AUNIP: variants seen among roughly 807,000 people sequenced by gnomAD.
AUNIP encodes the protein aurora kinase A- and ninein-interacting protein.
Under a neutral mutation model 12.2 loss-of-function variants are expected in AUNIP, and 16 were observed. The observed-to-expected ratio is 1.31, with a 90% confidence interval of 0.88 to 1.99. The LOEUF (loss-of-function observed/expected upper bound fraction) is 1.99, where lower values mean the gene tolerates loss of function less well. Among genes scored for constraint, AUNIP ranks in the 30% most tolerant of loss-of-function variants. AUNIP has a pLI of 0.00. For missense variants in AUNIP, 411 were observed against 419.1 expected (o/e 0.98, Z 0.17); for synonymous variants, 142 against 154.8 (o/e 0.92, Z 0.61).
chr1:25,848,620 C>T (rs2048403908), intron 1 of AUNIP, among the ~76,000 whole-genome samples: 1 of 151,968 alleles, frequency 6.6e-6, no homozygotes, highest in Non-Finnish European at 1.5e-5. Context: ...AGCTTTGGGC[C>T]ACACCAAATA....
chr1:25,841,164 A>T (rs1463422840), intron 1 of AUNIP, among the ~76,000 whole-genome samples: 1 of 152,134 alleles, frequency 6.6e-6, no homozygotes, highest in Non-Finnish European at 1.5e-5. Context: ...CTCTTAGAAG[A>T]CCCATGGCTT....
intron 1 of AUNIP, among the ~76,000 whole-genome samples, chr1:25,844,772 C>G (rs1404519782): frequency 6.6e-6 from 1 of 152,138 alleles, no homozygotes; most frequent in East Asian, 1.9e-4. Context: ...TTCCTTTATG[C>G]TTCCCAGGGC....
chr1:25,831,923 A>C, downstream of AUNIP: 1 of 1,613,680 alleles, frequency 6.2e-7, no homozygotes, highest in Non-Finnish European at 8.5e-7. Flanking sequence ...GTCTCTAGGA[A>C]CCGGAGTTTA....
chr1:25,845,368 T>C (rs983548911), intron 1 of AUNIP, among the ~76,000 whole-genome samples: 12 of 152,232 alleles, frequency 7.9e-5, no homozygotes, highest in Non-Finnish European at 1.8e-4. Context: ...TTTACCTTTT[T>C]CTCTACTACC....
chr1:25,836,601 T>G (rs1403449827), intron 2 of AUNIP, among the ~76,000 whole-genome samples: 1 of 152,252 alleles, frequency 6.6e-6, no homozygotes, highest in Admixed American at 6.5e-5. Context: ...GATTTCCTCT[T>G]TCCTTCTACA....
chr1:25,858,215 T>A (rs1016011985), intron 1 of AUNIP, among the ~76,000 whole-genome samples: 4 of 152,150 alleles, frequency 2.6e-5, no homozygotes, highest in Admixed American at 2.6e-4. Context: ...AAATTTCTTA[T>A]CTATAAAACC....
chr1:25,839,307 C>T (rs2048332659), intron 1 of AUNIP, among the ~76,000 whole-genome samples: 1 of 152,202 alleles, frequency 6.6e-6, no homozygotes, highest in Admixed American at 6.5e-5. Flanking sequence ...GAAAGACCTC[C>T]AGAAGGGAGA....
Position 25,835,595 on chromosome 1 carries a change from G to C in AUNIP, c.472C>G (p.Pro158Ala). 6.2e-7 allele frequency: 1 copy of C among 1,614,228 alleles called. No individual in the cohort carries two copies. The highest frequency in any genetic ancestry group is 8.5e-7 in the Non-Finnish European group (1 of 1,180,044). Residue 158 changes from proline to alanine, a missense_variant, in exon 3 of 3, where the codon CCT becomes GCT. Transcript: ENST00000374298. ...TCTCCAGCACAGTCTGGAGTATCAG[G>C]CTGGAGCAAAGATAGCTCAGTTGAA... ...PFSTELSLLQ[P>A]DTPDCAGDSH...
At chr1:25,859,150 C>A in intron 1 of AUNIP, 130 bp downstream of exon 1, 2 of 977,298 alleles carry the variant, frequency 2.0e-6, no homozygotes, top group Middle Eastern at 2.1e-4. Flanking sequence ...GCCTGTGAAT[C>A]CCCAACGCTG....
intron 1 of AUNIP, among the ~76,000 whole-genome samples, chr1:25,849,567 T>A (rs1481896318): frequency 6.6e-6 from 1 of 152,242 alleles, no homozygotes; most frequent in African/African-American, 2.4e-5. Context: ...TGTTGTAGCA[T>A]GTATCAATAC....
chr1:25,857,724 G>A (rs1364571161), intron 1 of AUNIP, among the ~76,000 whole-genome samples: 8 of 150,306 alleles, frequency 5.3e-5, no homozygotes, highest in Admixed American at 4.6e-4. Flanking sequence ...TCAGCCGAGC[G>A]TAGTGGCGGG....
At chr1:25,844,510 A>G (rs1361125210) in intron 1 of AUNIP, among the ~76,000 whole-genome samples, 1 of 152,332 alleles carries the variant, frequency 6.6e-6, no homozygotes, top group African/African-American at 2.4e-5. Context: ...CAGCACTTAA[A>G]TTAAGTTTAG....
intron 1 of AUNIP, among the ~76,000 whole-genome samples, chr1:25,844,970 T>C (rs1181794501): frequency 6.6e-6 from 1 of 152,176 alleles, no homozygotes; most frequent in Non-Finnish European, 1.5e-5. Context: ...CTAAGGAGGA[T>C]TGTTTAAGAA....
intron 1 of AUNIP, among the ~76,000 whole-genome samples, chr1:25,856,006 C>A (rs184061999): frequency 2.6e-5 from 4 of 152,158 alleles, no homozygotes; most frequent in Non-Finnish European, 4.4e-5. Flanking sequence ...TCATGTACTA[C>A]ATCAACAAGA....
At chr1:25,851,775 C>A in intron 1 of AUNIP, among the ~76,000 whole-genome samples, 1 of 152,144 alleles carries the variant, frequency 6.6e-6, no homozygotes, top group East Asian at 1.9e-4. Context: ...CTCACTCTGT[C>A]GCCCAGGCTG....
At chr1:25,846,973 T>A (rs1190720022) in intron 1 of AUNIP, among the ~76,000 whole-genome samples, 1 of 152,214 alleles carries the variant, frequency 6.6e-6, no homozygotes, top group Non-Finnish European at 1.5e-5. Context: ...GGAGGAAGAA[T>A]CCTCACCCTG....
Position 25,835,812 on chromosome 1 carries a change from T to A in AUNIP, c.255A>T (p.Ser85=). 4 of 1,614,208 alleles carry A rather than the reference T, an allele frequency of 2.5e-6. No individual in the cohort carries two copies. Among genetic ancestry groups the A allele is most frequent in the Middle Eastern group, 1.6e-4 (1 of 6,062 alleles). The change falls in exon 3 of 3, where the codon TCA becomes TCT. Residue 85 remains serine, a synonymous_variant. Coordinates refer to ENST00000374298, the MANE Select transcript of AUNIP (RefSeq NM_024037.3). Reference sequence around the variant, plus strand: ...TGTTGATCTGACTTTCTGTATGAGATGAAACACTCTTCTGGTCACTGCCAT... The same window carrying A: ...TGTTGATCTGACTTTCTGTATGAGAAGAAACACTCTTCTGGTCACTGCCAT... The part of the protein sequence containing the change: ...KTNGSDQKSV[S]SHTESQINKE...
chr1:25,831,961 A>C (rs886987299), downstream of AUNIP: 6 of 1,614,112 alleles, frequency 3.7e-6, no homozygotes, highest in Non-Finnish European at 5.1e-6. Context: ...TGCTGTGCTT[A>C]TCTCTGAGGT....
intron 1 of AUNIP, among the ~76,000 whole-genome samples, chr1:25,858,249 A>G (rs1172255486): frequency 2.6e-5 from 4 of 152,254 alleles, no homozygotes; most frequent in Non-Finnish European, 4.4e-5. Context: ...AATCTACTTT[A>G]CTGAATTTTG....
Sources: allele counts gnomAD v4.1 joint callset (sites outside exome capture counted in the v4.1 genomes callset), GRCh38; gene constraint gnomAD v4.1.1; transcripts MANE v1.5; gene names NCBI Gene and HGNC (gene_info 2026-07-23, HGNC 2026-07-21).